Variants in CLSTN2 observed in about 807,000 individuals in gnomAD.
CLSTN2 encodes calsyntenin 2, also known as calsyntenin-2.
Under a neutral mutation model 101.2 loss-of-function variants are expected in CLSTN2, and 48 were observed. The ratio of observed to expected loss-of-function variants is 0.47; its 90% CI spans 0.38 to 0.60. CLSTN2 has a LOEUF of 0.60. CLSTN2 is among the 20% of genes least tolerant of loss of function. The pLI, the probability that CLSTN2 is intolerant of heterozygous loss-of-function variation, is 0.00. For missense variants in CLSTN2, 1,160 were observed against 1,238.2 expected, an observed-to-expected ratio of 0.94 and a Z score of 0.95; for synonymous variants, 481 against 463.6, an observed-to-expected ratio of 1.04 and a Z score of -0.48.
chr3:140,541,935 G>A (rs977373312), intron 9 of CLSTN2, among the ~76,000 whole-genome samples: 2 of 152,100 alleles, frequency 1.3e-5, no homozygotes, highest in African/African-American at 4.8e-5. Context: ...TCTTCTCTCT[G>A]CCATGACCCT....
At chr3:139,944,192 G>C (rs1935181607) in intron 1 of CLSTN2, among the ~76,000 whole-genome samples, 1 of 152,206 alleles carries the variant, frequency 6.6e-6, no homozygotes, top group African/African-American at 2.4e-5. Flanking sequence ...GGAAACTGAG[G>C]CAAGGAAGGT....
chr3:140,246,536 G>A (rs1316455683), intron 2 of CLSTN2, among the ~76,000 whole-genome samples: 1 of 152,132 alleles, frequency 6.6e-6, no homozygotes, highest in Non-Finnish European at 1.5e-5. Context: ...TGTGTTTTCT[G>A]GCCTGCACAA....
intron 1 of CLSTN2, among the ~76,000 whole-genome samples, chr3:140,053,526 T>C (rs957449224): frequency 6.6e-6 from 1 of 151,996 alleles, no homozygotes; most frequent in Non-Finnish European, 1.5e-5. Context: ...TGGTGGTGAG[T>C]GTTAAGAGAA....
At chr3:140,492,740 A>G (rs1425507694) in intron 8 of CLSTN2, among the ~76,000 whole-genome samples, 1 of 152,166 alleles carries the variant, frequency 6.6e-6, no homozygotes, top group Non-Finnish European at 1.5e-5. Flanking sequence ...ACTTTGTATT[A>G]TTTCCTACTA....
At chr3:140,054,038 G>T (rs1186052270) in intron 1 of CLSTN2, among the ~76,000 whole-genome samples, 1 of 152,118 alleles carries the variant, frequency 6.6e-6, no homozygotes, top group Non-Finnish European at 1.5e-5. Context: ...GGAAATCCTG[G>T]CATGCACAGA....
chr3:140,261,973 A>G (rs1358379670), intron 2 of CLSTN2, among the ~76,000 whole-genome samples: 1 of 152,172 alleles, frequency 6.6e-6, no homozygotes, highest in African/African-American at 2.4e-5. Context: ...TTCAAGGTCA[A>G]TCTTACCACC....
intron 2 of CLSTN2, among the ~76,000 whole-genome samples, chr3:140,194,362 C>T (rs1330921896): frequency 6.6e-6 from 1 of 152,030 alleles, no homozygotes; most frequent in Non-Finnish European, 1.5e-5. Context: ...GGGCTCTTAC[C>T]TCATGACCTA....
At chr3:140,556,908 A>C in intron 11 of CLSTN2, 1 of 462,348 alleles carries the variant, frequency 2.2e-6, no homozygotes, top group Non-Finnish European at 3.9e-6. Flanking sequence ...AATGCCTAGA[A>C]GGTACTACTT....
intron 1 of CLSTN2, among the ~76,000 whole-genome samples, chr3:140,012,729 G>A (rs994365867): frequency 6.6e-6 from 1 of 152,218 alleles, no homozygotes; most frequent in Non-Finnish European, 1.5e-5. Context: ...TTGGAAATGT[G>A]TAGAAGGTGA....
chr3:139,971,872 G>C (rs138762510), intron 1 of CLSTN2, among the ~76,000 whole-genome samples: 60 of 152,292 alleles, frequency 3.9e-4, no homozygotes, highest in African/African-American at 1.3e-3. Flanking sequence ...CTGGGCTCCA[G>C]TGTCACCATC....
chr3:140,408,984 C>T (rs931221259), intron 4 of CLSTN2, among the ~76,000 whole-genome samples: 3 of 152,272 alleles, frequency 2.0e-5, no homozygotes, highest in Non-Finnish European at 4.4e-5. Context: ...CTGGCCCCCA[C>T]CACTGTGCTT....
chr3:140,178,733 C>T (rs1002526272), intron 2 of CLSTN2, among the ~76,000 whole-genome samples: 2 of 152,136 alleles, frequency 1.3e-5, no homozygotes, highest in South Asian at 4.1e-4. Context: ...AAAGAAAATA[C>T]CGAAGATTTA....
chr3:140,312,393 G>T (rs146901994), intron 2 of CLSTN2, among the ~76,000 whole-genome samples: 1 of 152,278 alleles, frequency 6.6e-6, no homozygotes, highest in East Asian at 1.9e-4. Context: ...TATCATTATC[G>T]CATCTGAGGA....
chr3:140,552,689 G>C (rs1935724964), intron 10 of CLSTN2, among the ~76,000 whole-genome samples: 1 of 152,146 alleles, frequency 6.6e-6, no homozygotes, highest in Non-Finnish European at 1.5e-5. Context: ...GTGAGGCTCA[G>C]AGACCAACCT....
chr3:140,203,485 T>G (rs1354376195), intron 2 of CLSTN2, among the ~76,000 whole-genome samples: 2 of 145,414 alleles, frequency 1.4e-5, no homozygotes, highest in African/African-American at 5.1e-5. Context: ...TTTTTTTTTT[T>G]TTTTTTGGTT....
intron 1 of CLSTN2, among the ~76,000 whole-genome samples, chr3:140,094,070 C>T (rs747446329): frequency 3.4e-4 from 51 of 152,212 alleles, no homozygotes; most frequent in Non-Finnish European, 6.8e-4. Context: ...AAATTCGTCT[C>T]ATTAATAGAA....
chr3:140,339,014 T>C (rs1485314697), intron 2 of CLSTN2, among the ~76,000 whole-genome samples: 1 of 152,210 alleles, frequency 6.6e-6, no homozygotes, highest in African/African-American at 2.4e-5. Context: ...AGTAGGAATG[T>C]GTCATGCTGC....
intron 8 of CLSTN2, among the ~76,000 whole-genome samples, chr3:140,515,841 T>C (rs1288557089): frequency 2.0e-5 from 3 of 152,074 alleles, no homozygotes; most frequent in Non-Finnish European, 2.9e-5. Flanking sequence ...TCTGTAAATA[T>C]CTGTTAAGTC....
rs117340439 is a variant in CLSTN2 at position 140,006,593 on chromosome 3, C to T, written c.109+71110C>T. On this transcript the variant is annotated intron_variant, in intron 1 of 16. Transcript: ENST00000458420. ...TGCTCCCTAAATAAGATCCACAGCA[C>T]GCTGGTATTTCCTAGTCAAGCATGG... 9.7e-4 allele frequency among the ~76,000 whole-genome samples: 147 copies of T among 152,290 alleles called. 3 individuals are homozygous for T. In the East Asian group the frequency reaches 0.023, roughly 24 times the overall value.
Sources: gnomAD v4.1 joint callset for allele counts (sites outside exome capture counted in the v4.1 genomes callset) on GRCh38, gnomAD v4.1.1 for gene constraint, MANE v1.5 for transcripts, NCBI Gene and HGNC (gene_info 2026-07-23, HGNC 2026-07-21) for gene names.